Variants in PHOSPHO1 observed in about 807,000 individuals in gnomAD.
PHOSPHO1 encodes phosphoethanolamine/phosphocholine phosphatase 1, also known as phosphoethanolamine/phosphocholine phosphatase.
In PHOSPHO1, 6 loss-of-function variants were observed where a neutral mutation model predicts 17.7. The ratio of observed to expected loss-of-function variants is 0.34; its 90% CI spans 0.19 to 0.67. The LOEUF (loss-of-function observed/expected upper bound fraction) is 0.67, where lower values mean the gene tolerates loss of function less well. PHOSPHO1 is among the 30% of genes least tolerant of loss of function. The probability of loss-of-function intolerance (pLI) is 0.69; values close to 1 mark genes in which losing one functional copy is unlikely to be tolerated. For missense variants in PHOSPHO1, 330 were observed against 392.1 expected, an observed-to-expected ratio of 0.84 and a Z score of 1.34; for synonymous variants, 159 against 174.6, an observed-to-expected ratio of 0.91 and a Z score of 0.71.
At chr17:49,230,179 C>G (rs903779112) in intron 1 of PHOSPHO1, among the ~76,000 whole-genome samples, 6 of 152,096 alleles carry the variant, frequency 3.9e-5, no homozygotes, top group Non-Finnish European at 7.4e-5. Flanking sequence ...TCTGGCGCAC[C>G]CCCGGCTGGC....
intron 1 of PHOSPHO1, 119 bp from the exon 2 acceptor site, chr17:49,226,877 C>T: frequency 1.6e-6 from 1 of 630,978 alleles, no homozygotes; most frequent in Non-Finnish European, 2.8e-6. Flanking sequence ...AGGGTCTTAG[C>T]AAAAACAACC....
chr17:49,225,641 T>A, intron 2 of PHOSPHO1: 1 of 1,291,384 alleles, frequency 7.7e-7, no homozygotes, highest in African/African-American at 1.5e-5. Flanking sequence ...TGACAGCTCA[T>A]CACTAATCAC....
chr17:49,226,663 A>G lies in PHOSPHO1; in HGVS notation c.29T>C (p.Leu10Pro). Residue 10 changes from leucine to proline, a missense_variant, in exon 2 of 3, where the codon CTC (leucine) becomes CCC (proline). By Grantham distance (98) the Leu-to-Pro change is moderately conservative (BLOSUM62 -3). Coordinates refer to ENST00000310544, the MANE Select transcript of PHOSPHO1 (RefSeq NM_178500.4). MSGCFPVSG[L>P]RCLSRDGRMA... The stretch of plus-strand genomic sequence containing the variant: ...CCCACTTACCCTAGATAGGCAGCGG[A>G]GGCCAGAAACTGGAAAACAGCCACT... 4 of 1,614,226 alleles carry G rather than the reference A, an allele frequency of 2.5e-6. No individual in the cohort carries two copies. The highest frequency in any genetic ancestry group is 3.4e-6 in the Non-Finnish European group (4 of 1,180,034).
chr17:49,225,196 C>T, intron 2 of PHOSPHO1, 192 bp from the exon 3 acceptor site: 1 of 1,427,906 alleles, frequency 7.0e-7, no homozygotes, highest in East Asian at 2.5e-5. Context: ...CTATCCCCAG[C>T]CTTCCCTGAC....
chr17:49,228,235 T>G (rs1378656755), intron 1 of PHOSPHO1, among the ~76,000 whole-genome samples: 1 of 150,668 alleles, frequency 6.6e-6, no homozygotes, highest in African/African-American at 2.4e-5. Flanking sequence ...CCTTCCTTCC[T>G]TCCTGTCTCT....
Position 49,224,862 on chromosome 17 carries a change from T to C in PHOSPHO1, c.188A>G (p.Tyr63Cys). The C allele has an allele frequency of 6.2e-7, 1 of 1,607,002 alleles. No homozygotes were observed. Among genetic ancestry groups the C allele is most frequent in the Non-Finnish European group, 8.5e-7 (1 of 1,177,340 alleles). ...GTACTCGTTGTAGAAGCCCTCGCGG[T>C]AGGTGGCTCGCAGGCTCTCCGGGAG... ...QRLPESLRAT[Y>C]REGFYNEYMQ... The change falls in exon 3 of 3, where the codon TAC (tyrosine) becomes TGC (cysteine). Residue 63 changes from tyrosine (Y) to cysteine (C), a missense_variant. Coordinates refer to ENST00000310544, the MANE Select transcript of PHOSPHO1 (RefSeq NM_178500.4).
chr17:49,224,543 C>T lies in PHOSPHO1; in HGVS notation c.507G>A (p.Ala169=), dbSNP rs760911856. 2 of 1,567,656 alleles carry T rather than the reference C, an allele frequency of 1.3e-6. No individual in the cohort carries two copies. Among genetic ancestry groups the T allele is most frequent in the South Asian group, 2.3e-5 (2 of 86,366 alleles). Residue 169 remains alanine (A), a synonymous_variant, in exon 3 of 3, where the codon GCG becomes GCA. Transcript: ENST00000310544. ...ALRPFHTHSC[A]RCPANMCKHK... is the part of the protein sequence containing the mutation. The stretch of plus-strand genomic sequence containing the variant: ...GCTTGCACATGTTGGCGGGGCAGCG[C>T]GCGCAGCTGTGTGTGTGGAACGGCC...
Position 49,224,835 on chromosome 17 carries a change from A to G in PHOSPHO1, c.215T>C (p.Met72Thr), listed in dbSNP as rs1215277513. The change falls in exon 3 of 3, where the codon ATG (methionine) becomes ACG (threonine). Residue 72 changes from methionine to threonine, a missense_variant. Met to Thr is a moderately conservative substitution (Grantham distance 81). Transcript: ENST00000310544. ...GCCCAGGTACTTGAAGACGCGCTGC[A>G]TGTACTCGTTGTAGAAGCCCTCGCG... ...TYREGFYNEY[M>T]QRVFKYLGEQ... The G allele has an allele frequency of 4.4e-6, 7 of 1,605,948 alleles. No individual in the cohort carries two copies. In the East Asian group the frequency reaches 6.8e-5, roughly 15 times the overall value.
At chr17:49,225,682 A>G in intron 2 of PHOSPHO1, 1 of 1,289,696 alleles carries the variant, frequency 7.8e-7, no homozygotes, top group Non-Finnish European at 1.0e-6. Context: ...ACGTGTCAGC[A>G]GGTGGGGTTT....
intron 2 of PHOSPHO1, among the ~76,000 whole-genome samples, chr17:49,226,401 T>C (rs2043358000): frequency 1.3e-5 from 2 of 152,038 alleles, no homozygotes; most frequent in African/African-American, 2.4e-5. Flanking sequence ...ATCCCTAGAG[T>C]CACCCTCTGG....
At chr17:49,225,415 T>A in intron 2 of PHOSPHO1, 1 of 985,312 alleles carries the variant, frequency 1.0e-6, no homozygotes, top group Non-Finnish European at 1.2e-6. Context: ...TTGGTGTGGA[T>A]CAAGAAAGGG....
At chr17:49,228,335 T>C (rs924767839) in intron 1 of PHOSPHO1, among the ~76,000 whole-genome samples, 1 of 151,266 alleles carries the variant, frequency 6.6e-6, no homozygotes, top group Non-Finnish European at 1.5e-5. Flanking sequence ...TTTTTTCTAT[T>C]CTATTGATCA....
At chr17:49,225,565 C>T (rs2043345918) in intron 2 of PHOSPHO1, 23 of 1,252,568 alleles carry the variant, frequency 1.8e-5, no homozygotes, top group Non-Finnish European at 2.3e-5. Context: ...GCTTCTAGCC[C>T]AATGGCACTG....
rs1402845827 is a variant in PHOSPHO1, at chr17:49,225,077, G to T, written c.46-73C>A. 6 of 1,445,190 alleles carry T rather than the reference G, an allele frequency of 4.2e-6. 1 individual carries two copies. The South Asian group carries it at 4.4e-5, about 11-fold the overall frequency. The allele number at this position is 1,445,190 out of a possible 1,614,324, so 89.5% of individuals were successfully genotyped here. On this transcript the variant is annotated intron_variant, in intron 2 of 2. Transcript: ENST00000310544. ...GCGAGAGGGGGCGCGGCAGGAGCCC[G>T]CCCGGGAGAGGCTGGTTAGCGGGCC...
intron 2 of PHOSPHO1, among the ~76,000 whole-genome samples, chr17:49,226,087 G>A (rs1273229408): frequency 6.6e-6 from 1 of 152,048 alleles, no homozygotes. Context: ...GAGGCAGCAA[G>A]AGCCCTTGGC....
chr17:49,224,249 G>A lies in PHOSPHO1; in HGVS notation c.801C>T (p.Cys267=), dbSNP rs1323704994. 1.6e-5 allele frequency: 25 copies of A among 1,568,354 alleles called. No individual in the cohort carries two copies. The highest frequency in any genetic ancestry group is 2.2e-5 in the Non-Finnish European group (25 of 1,160,916). The change falls in exon 3 of 3, where the codon TGC becomes TGT. Residue 267 remains cysteine (C), a synonymous_variant. Coordinates refer to ENST00000310544, the MANE Select transcript of PHOSPHO1 (RefSeq NM_178500.4). The part of the protein sequence containing the change: ...RLHLQQVLKS[C] ...ACCCCCCTGCAGGCGGCCAGACTCAGCACGACTTCAGCACCTGTTGCAGGT... is the reference window on the plus strand; with the variant it reads ...ACCCCCCTGCAGGCGGCCAGACTCAACACGACTTCAGCACCTGTTGCAGGT...
intron 1 of PHOSPHO1, among the ~76,000 whole-genome samples, chr17:49,230,083 T>TAGGGGC (rs1302717177): frequency 4.6e-4 from 70 of 151,682 alleles, no homozygotes; most frequent in Admixed American, 4.3e-3. Flanking sequence ...GAGGGGATCC[T>TAGGGGC]AGGGGCAGGG....
chr17:49,226,031 G>A (rs1477070818), intron 2 of PHOSPHO1, among the ~76,000 whole-genome samples: 1 of 152,014 alleles, frequency 6.6e-6, no homozygotes, highest in East Asian at 1.9e-4. Context: ...GGAGAGGACA[G>A]AGGACAAGAG....
At chr17:49,229,362 A>G (rs2143574217) in intron 1 of PHOSPHO1, among the ~76,000 whole-genome samples, 1 of 152,222 alleles carries the variant, frequency 6.6e-6, no homozygotes, top group African/African-American at 2.4e-5. Context: ...GAGCAGGGAG[A>G]AGGGCTTCTG....
Sources: allele counts gnomAD v4.1 joint callset (sites outside exome capture counted in the v4.1 genomes callset), GRCh38; gene constraint gnomAD v4.1.1; transcripts MANE v1.5; gene names NCBI Gene and HGNC (gene_info 2026-07-23, HGNC 2026-07-21).